The following ST7 variants were observed in gnomAD, a reference collection of about 807,000 sequenced individuals.
ST7 encodes suppressor of tumorigenicity 7 protein.
Under a neutral mutation model 78.7 loss-of-function variants are expected in ST7, and 28 were observed. The ratio of observed to expected loss-of-function variants is 0.36; its 90% CI spans 0.26 to 0.49. The LOEUF is 0.49. Ranked by LOEUF, ST7 falls within the 20% of genes least tolerant of loss-of-function variation. The pLI, the probability that ST7 is intolerant of heterozygous loss-of-function variation, is 0.99. For synonymous variants in ST7, 247 were observed against 249.6 expected, an observed-to-expected ratio of 0.99 and a Z score of 0.10; for missense variants, 418 against 696.0, an observed-to-expected ratio of 0.60 and a Z score of 4.49.
chr7:116,972,752 G>C, intron 1 of ST7: 1 of 919,052 alleles, frequency 1.1e-6, no homozygotes, highest in Non-Finnish European at 1.8e-6. Context: ...TGGATCCTAC[G>C]GTTCAAGGAG....
intron 1 of ST7, among the ~76,000 whole-genome samples, chr7:117,032,140 C>T (rs559067114): frequency 6.6e-6 from 1 of 151,876 alleles, no homozygotes; most frequent in Admixed American, 6.6e-5. Flanking sequence ...CCTCGGCCTC[C>T]CAAAGTGCTG....
intron 2 of ST7, among the ~76,000 whole-genome samples, chr7:117,107,905 G>C (rs1263355357): frequency 6.6e-6 from 1 of 151,646 alleles, no homozygotes; most frequent in Non-Finnish European, 1.5e-5. Flanking sequence ...GTCAGCCACT[G>C]CACCCGGCCC....
At chr7:117,222,177 T>C in intron 15 of ST7, 115 bp downstream of exon 15, 3 of 1,169,370 alleles carry the variant, frequency 2.6e-6, no homozygotes, top group Non-Finnish European at 3.5e-6. Flanking sequence ...CCTGCAAAGA[T>C]CATTGCTCAC....
intron 10 of ST7, 106 bp downstream of exon 10, chr7:117,171,082 T>C (rs181435382): frequency 3.7e-4 from 211 of 573,964 alleles, no homozygotes; most frequent in Admixed American, 4.8e-4. Flanking sequence ...TTTGTAGCCA[T>C]ACTCTTATAG....
intron 13 of ST7, among the ~76,000 whole-genome samples, chr7:117,213,446 A>T (rs1792447364): frequency 6.6e-6 from 1 of 152,112 alleles, no homozygotes; most frequent in Non-Finnish European, 1.5e-5. Flanking sequence ...GTTCTCTGGG[A>T]GTAGGGGTGG....
chr7:117,069,730 G>A (rs944975387), intron 1 of ST7, among the ~76,000 whole-genome samples: 1 of 152,188 alleles, frequency 6.6e-6, no homozygotes, highest in Non-Finnish European at 1.5e-5. Context: ...GCACAGTTTG[G>A]TTTATGGGTT....
At chr7:117,096,393 A>C (rs1438688079) in intron 1 of ST7, among the ~76,000 whole-genome samples, 1 of 152,226 alleles carries the variant, frequency 6.6e-6, no homozygotes, top group Non-Finnish European at 1.5e-5. Flanking sequence ...CTTATCTAGA[A>C]AAGGCCGAGA....
chr7:117,065,504 C>T (rs879905010), intron 1 of ST7, among the ~76,000 whole-genome samples: 11 of 152,100 alleles, frequency 7.2e-5, no homozygotes, highest in Non-Finnish European at 1.5e-4. Context: ...CCACTGCGCC[C>T]GGCCTGAAGT....
intron 15 of ST7, among the ~76,000 whole-genome samples, chr7:117,228,940 C>T (rs1793612706): frequency 6.6e-6 from 1 of 152,164 alleles, no homozygotes; most frequent in Non-Finnish European, 1.5e-5. Context: ...TCTTCCCTGA[C>T]TGGGATAGGG....
At chr7:116,993,877 G>A (rs1241666845) in intron 1 of ST7, among the ~76,000 whole-genome samples, 1 of 152,208 alleles carries the variant, frequency 6.6e-6, no homozygotes, top group African/African-American at 2.4e-5. Context: ...TGATTGTATT[G>A]TATAAGGTAT....
At chr7:117,227,247 C>T (rs1338923092) in intron 15 of ST7, among the ~76,000 whole-genome samples, 1 of 152,228 alleles carries the variant, frequency 6.6e-6, no homozygotes, top group Non-Finnish European at 1.5e-5. Flanking sequence ...GCTGCGCTGG[C>T]TCATGTTCAG....
intron 1 of ST7, among the ~76,000 whole-genome samples, chr7:116,990,960 G>A (rs963243872): frequency 1.1e-4 from 16 of 152,166 alleles, no homozygotes; most frequent in South Asian, 4.1e-4. Flanking sequence ...TTTGATTACC[G>A]TGTCCCAGAT....
rs1807953117 is a variant in ST7, at chr7:117,171,079, C to T, written c.1078+103C>T. On this transcript the variant is annotated intron_variant, in intron 10 of 15. Transcript: ENST00000323984. ...TTCAAATAGCACAGCACTTTTGTAGCCATACTCTTATAGAATTTTCACCTA... is the reference window on the plus strand; with the variant it reads ...TTCAAATAGCACAGCACTTTTGTAGTCATACTCTTATAGAATTTTCACCTA... 4 of 584,704 alleles carry T rather than the reference C, an allele frequency of 6.8e-6. No homozygotes were observed. The East Asian group carries it at 9.9e-5, about 15-fold the overall frequency. 36.2% of individuals were successfully genotyped at this position (584,704 alleles called of 1,614,324 possible).
intron 12 of ST7, among the ~76,000 whole-genome samples, chr7:117,208,902 G>GGT (rs58017025): frequency 0.04 from 5,600 of 139,794 alleles, 125 homozygotes; most frequent in South Asian, 0.057. Flanking sequence ...TGTATGTGTG[G>GGT]GTGTGTGTGT....
rs189308671 is a variant in ST7, at chr7:116,998,414, C to T, written c.151+44723C>T. Among the ~76,000 whole-genome samples, 78 of 152,336 alleles carry T rather than the reference C, an allele frequency of 5.1e-4. No individual in the cohort carries two copies. In the East Asian group the frequency reaches 7.0e-3, roughly 14 times the overall value. ...TCCCCGCAAGCCGAGGGAGCTGGCT[C>T]CGGCCTCGGCCAGCCCTGAGAGGGG... On this transcript the variant is annotated intron_variant, in intron 1 of 15. Transcript: ENST00000323984.
chr7:117,136,349 G>A (rs1804791781), intron 8 of ST7, 114 bp downstream of exon 8: 2 of 1,324,728 alleles, frequency 1.5e-6, no homozygotes, highest in East Asian at 2.3e-5. Context: ...AGAAAATATT[G>A]GCTTTTGCTT....
At position 117,037,980 on chromosome 7, in the gene ST7, T is replaced by C. The variant is rs186915943; in HGVS notation, c.152-61782T>C. 4.6e-5 allele frequency among the ~76,000 whole-genome samples: 7 copies of C among 152,354 alleles called. No homozygotes were observed. The East Asian group carries it at 9.6e-4, about 21-fold the overall frequency. ...TTAGGAGAAGGGGCTGGACTTTTTA[T>C]TGCTATAGCCTTAACTGAAAAAAAA... On this transcript the variant is annotated intron_variant, in intron 1 of 15. Transcript: ENST00000323984.
intron 1 of ST7, among the ~76,000 whole-genome samples, chr7:117,006,708 G>C (rs1795170598): frequency 6.6e-6 from 1 of 152,124 alleles, no homozygotes; most frequent in African/African-American, 2.4e-5. Flanking sequence ...CTTATAAATT[G>C]AAGGTTTGTG....
chr7:117,197,381 A>G (rs1479304425), intron 12 of ST7, among the ~76,000 whole-genome samples: 1 of 152,218 alleles, frequency 6.6e-6, no homozygotes, highest in East Asian at 1.9e-4. Flanking sequence ...GTCAACTTCT[A>G]TAATGAACCT....
Sources: gnomAD v4.1 joint callset for allele counts (sites outside exome capture counted in the v4.1 genomes callset) on GRCh38, gnomAD v4.1.1 for gene constraint, MANE v1.5 for transcripts, NCBI Gene and HGNC (gene_info 2026-07-23, HGNC 2026-07-21) for gene names.